ATP9A: variants seen among roughly 807,000 people sequenced by gnomAD.
ATP9A encodes the protein probable phospholipid-transporting ATPase IIA.
In ATP9A, 52 loss-of-function variants were observed where a neutral mutation model predicts 144.1. That is an observed-to-expected ratio of 0.36 (90% CI 0.29 to 0.45). The LOEUF (loss-of-function observed/expected upper bound fraction) is 0.45. Ranked by LOEUF, ATP9A falls within the 20% of genes least tolerant of loss-of-function variation. ATP9A has a pLI of 1.00. For synonymous variants in ATP9A, 582 were observed against 557.4 expected (o/e 1.04, Z -0.62); for missense variants, 947 against 1,392.7 (o/e 0.68, Z 5.09).
At chr20:51,646,584 C>T (rs2122756863) in intron 14 of ATP9A, among the ~76,000 whole-genome samples, 1 of 152,334 alleles carries the variant, frequency 6.6e-6, no homozygotes, top group Non-Finnish European at 1.5e-5. Context: ...AGCAGACAGG[C>T]ATAGGGCAGG....
chr20:51,711,466 G>A (rs2077638208), intron 4 of ATP9A, among the ~76,000 whole-genome samples: 1 of 152,292 alleles, frequency 6.6e-6, no homozygotes, highest in South Asian at 2.1e-4. Flanking sequence ...CAGGTGCTAA[G>A]TCCCTTGGCA....
chr20:51,679,455 G>A (rs548324015), intron 9 of ATP9A, among the ~76,000 whole-genome samples: 3 of 152,204 alleles, frequency 2.0e-5, no homozygotes, highest in East Asian at 1.9e-4. Flanking sequence ...AGACAGGCAC[G>A]TGCTCTGAGC....
chr20:51,605,060 G>A, intron 26 of ATP9A, 40 bp from the exon 27 acceptor site: 1 of 1,521,542 alleles, frequency 6.6e-7, no homozygotes, highest in Non-Finnish European at 8.8e-7. Context: ...CACCCTCCCT[G>A]CGAAAGCCGT....
At chr20:51,715,117 G>C (rs2077656550) in intron 3 of ATP9A, among the ~76,000 whole-genome samples, 1 of 152,118 alleles carries the variant, frequency 6.6e-6, no homozygotes, top group Non-Finnish European at 1.5e-5. Flanking sequence ...TAGCAGTTGT[G>C]GTTCTTGGAG....
intron 14 of ATP9A, among the ~76,000 whole-genome samples, chr20:51,655,090 A>G (rs1303090990): frequency 6.6e-6 from 1 of 152,218 alleles, no homozygotes; most frequent in African/African-American, 2.4e-5. Context: ...AAAATTAGGA[A>G]TAACCTAAGT....
chr20:51,615,849 T>A (rs1043908830), intron 22 of ATP9A, among the ~76,000 whole-genome samples: 61 of 152,180 alleles, frequency 4.0e-4, no homozygotes, highest in Admixed American at 3.8e-3. Context: ...TTGGCCAGGC[T>A]GGTCTTGAAC....
chr20:51,605,066 GC>G, intron 26 of ATP9A, 46 bp from the exon 27 acceptor site: 1 of 1,485,194 alleles, frequency 6.7e-7, no homozygotes, highest in South Asian at 1.4e-5. Flanking sequence ...CCCTGCGAAA[GC>G]CGTGCGCTGC....
At chr20:51,635,241 C>T (rs2077285962) in intron 15 of ATP9A, among the ~76,000 whole-genome samples, 1 of 152,182 alleles carries the variant, frequency 6.6e-6, no homozygotes, top group Admixed American at 6.5e-5. Context: ...GGCCAACAGC[C>T]AGGAAAGAAC....
chr20:51,762,943 C>T (rs1250351947), intron 1 of ATP9A, among the ~76,000 whole-genome samples: 1 of 151,884 alleles, frequency 6.6e-6, no homozygotes, highest in African/African-American at 2.4e-5. Flanking sequence ...TGCTCTTGAA[C>T]TCCAGGGCTC....
chr20:51,701,931 C>T (rs889436015), intron 4 of ATP9A, among the ~76,000 whole-genome samples: 1 of 152,066 alleles, frequency 6.6e-6, no homozygotes, highest in Non-Finnish European at 1.5e-5. Flanking sequence ...GAGGCCGAGG[C>T]GGGTGGATTG....
chr20:51,647,638 G>A (rs1190952469), intron 14 of ATP9A, among the ~76,000 whole-genome samples: 4 of 152,120 alleles, frequency 2.6e-5, no homozygotes, highest in Non-Finnish European at 4.4e-5. Flanking sequence ...GCTAAGGCAG[G>A]AGAATAGCTG....
chr20:51,729,735 ACT>A (rs1457358553), intron 2 of ATP9A, 97 bp downstream of exon 2: 11 of 1,356,964 alleles, frequency 8.1e-6, no homozygotes, highest in East Asian at 2.7e-5. Flanking sequence ...ACAGAGTAAG[ACT>A]CTGTCTAAAA....
At position 51,674,143 on chromosome 20, in the gene ATP9A, G is replaced by A. The variant is rs766643682; in HGVS notation, c.1037+10C>T. 8 of 1,612,884 alleles carry A rather than the reference G, an allele frequency of 5.0e-6. No individual in the cohort carries two copies. The highest frequency in any genetic ancestry group is 4.5e-5 in the East Asian group (2 of 44,854). ...CACGGCAGCCAAACTCAAGCTCGTCGCCTGCTTACCTAATGGGGATGATGT... is the reference window on the plus strand; with the variant it reads ...CACGGCAGCCAAACTCAAGCTCGTCACCTGCTTACCTAATGGGGATGATGT... On this transcript the variant is annotated intron_variant, in intron 11 of 27. Coordinates refer to ENST00000338821, the MANE Select transcript of ATP9A (RefSeq NM_006045.3).
At chr20:51,762,644 A>G (rs1283964411) in intron 1 of ATP9A, among the ~76,000 whole-genome samples, 1 of 150,304 alleles carries the variant, frequency 6.7e-6, no homozygotes, top group African/African-American at 2.4e-5. Flanking sequence ...GGGTGACAAG[A>G]GCGAGACCCT....
intron 23 of ATP9A, 31 bp from the exon 24 acceptor site, chr20:51,610,196 A>G (rs1043674824): frequency 1.1e-5 from 17 of 1,549,544 alleles, no homozygotes; most frequent in Non-Finnish European, 1.4e-5. Flanking sequence ...GATGTCACCA[A>G]AAGTCATGAC....
chr20:51,748,069 GCT>G (rs1342444350), intron 1 of ATP9A, among the ~76,000 whole-genome samples: 1 of 152,110 alleles, frequency 6.6e-6, no homozygotes, highest in African/African-American at 2.4e-5. Context: ...GCAGTTCTGG[GCT>G]CTCTTAGACT....
chr20:51,725,541 T>TATACAATAAAC (rs1555841789), intron 3 of ATP9A, among the ~76,000 whole-genome samples: 1 of 152,216 alleles, frequency 6.6e-6, no homozygotes, highest in Non-Finnish European at 1.5e-5. Flanking sequence ...ACTTGTGCCA[T>TATACAATAAAC]ATACAATAAA....
At position 51,653,182 on chromosome 20, in the gene ATP9A, CT is replaced by C. The variant is rs56872433; in HGVS notation, c.1506+3755del. On this transcript the variant is annotated intron_variant, in intron 14 of 27. Coordinates refer to ENST00000338821, the MANE Select transcript of ATP9A (RefSeq NM_006045.3). ...CACCAAAGGCCAAAGGAAAGTAGTT[CT>C]TTTTTTTTTTCTCAATCATGATTCA... Among the ~76,000 whole-genome samples, 42 of 146,356 alleles carry C rather than the reference CT, an allele frequency of 2.9e-4. 3 individuals carry two copies. Among genetic ancestry groups the C allele is most frequent in the Middle Eastern group, 3.5e-3 (1 of 286 alleles).
In ATP9A at chr20:51,669,080, C is replaced by T. The variant is rs1054114464; in HGVS notation, c.1293+917G>A. Among the ~76,000 whole-genome samples, 4 of 152,178 alleles carry T rather than the reference C, an allele frequency of 2.6e-5. No homozygotes were observed. The East Asian group carries it at 7.7e-4, about 29-fold the overall frequency. On this transcript the variant is annotated intron_variant, in intron 13 of 27. Coordinates refer to ENST00000338821, the MANE Select transcript of ATP9A (RefSeq NM_006045.3). ...TGTTATCTCCAAACAAGTGCTGCAA[C>T]ATGGAGCTGGTCTAACGCGGTCTGG...
Sources: allele counts gnomAD v4.1 joint callset (sites outside exome capture counted in the v4.1 genomes callset), GRCh38; gene constraint gnomAD v4.1.1; transcripts MANE v1.5; gene names NCBI Gene and HGNC (gene_info 2026-07-23, HGNC 2026-07-21).